Variants in APP observed in about 807,000 individuals in gnomAD.
APP encodes amyloid beta precursor protein, also known as amyloid-beta precursor protein.
Under a neutral mutation model 101.4 loss-of-function variants are expected in APP, and 31 were observed. That is an observed-to-expected ratio of 0.31 (90% CI 0.23 to 0.41). The LOEUF is 0.41. Among genes scored for constraint, APP ranks in the 10% least tolerant of loss-of-function variants. The pLI, the probability that APP is intolerant of heterozygous loss-of-function variation, is 1.00. For synonymous variants in APP, 366 were observed against 364.4 expected (o/e 1.00, Z -0.05); for missense variants, 839 against 1,003.7 (o/e 0.84, Z 2.22).
chr21:26,070,645 G>C (rs1243673790), intron 3 of APP, among the ~76,000 whole-genome samples: 1 of 152,092 alleles, frequency 6.6e-6, no homozygotes, highest in Non-Finnish European at 1.5e-5. Context: ...AAGAAAAAAA[G>C]AGATACTCAA....
At chr21:26,017,729 A>G (rs1305842637) in intron 6 of APP, among the ~76,000 whole-genome samples, 1 of 152,238 alleles carries the variant, frequency 6.6e-6, no homozygotes, top group Non-Finnish European at 1.5e-5. Context: ...TTATGGCTCA[A>G]TCAAAACTAC....
intron 2 of APP, among the ~76,000 whole-genome samples, chr21:26,093,444 C>G (rs2061869980): frequency 6.6e-6 from 1 of 152,142 alleles, no homozygotes; most frequent in Non-Finnish European, 1.5e-5. Context: ...TCATGGTTCC[C>G]TCTATACAAC....
chr21:25,892,446 GA>G (rs1325317925), intron 16 of APP, among the ~76,000 whole-genome samples: 41 of 144,118 alleles, frequency 2.8e-4, no homozygotes, highest in Middle Eastern at 7.3e-3. Flanking sequence ...TTAAACAATA[GA>G]AAAAAAGATA....
chr21:26,079,363 T>C (rs1360602511), intron 3 of APP, among the ~76,000 whole-genome samples: 1 of 152,208 alleles, frequency 6.6e-6, no homozygotes, highest in African/African-American at 2.4e-5. Context: ...ACTGTTCACA[T>C]TAAATTTATG....
At chr21:25,936,303 C>T (rs891004557) in intron 13 of APP, among the ~76,000 whole-genome samples, 6 of 152,172 alleles carry the variant, frequency 3.9e-5, no homozygotes, top group Admixed American at 3.9e-4. Flanking sequence ...CCTGTAATCC[C>T]AGAACTTTGG....
chr21:25,912,658 G>A (rs1409696776), intron 13 of APP, among the ~76,000 whole-genome samples: 2 of 152,096 alleles, frequency 1.3e-5, no homozygotes, highest in Non-Finnish European at 2.9e-5. Context: ...ATTTCCCAAT[G>A]TGAGCAGACA....
At position 26,129,837 on chromosome 21, in the gene APP, T is replaced by C. The variant is rs80038422; in HGVS notation, c.58-17691A>G. On this transcript the variant is annotated intron_variant, in intron 1 of 17. Coordinates refer to ENST00000346798, the MANE Select transcript of APP (RefSeq NM_000484.4). ...AAAAAATACAAATTACTTCTAATTT[T>C]CCCATTTTCACACAAGTGAAAGAGA... 2.0e-5 allele frequency among the ~76,000 whole-genome samples: 3 copies of C among 152,334 alleles called. No homozygotes were observed. In the East Asian group the frequency reaches 5.8e-4, roughly 29 times the overall value.
At chr21:26,095,642 G>A (rs1350647562) in intron 2 of APP, among the ~76,000 whole-genome samples, 1 of 152,170 alleles carries the variant, frequency 6.6e-6, no homozygotes, top group Non-Finnish European at 1.5e-5. Flanking sequence ...TTCACTGGGG[G>A]TCTTGGAAGT....
chr21:26,168,377 T>C (rs1017301691), intron 1 of APP, among the ~76,000 whole-genome samples: 1 of 152,152 alleles, frequency 6.6e-6, no homozygotes, highest in Admixed American at 6.5e-5. Context: ...CAAACCTCAG[T>C]AGACTGAATT....
intron 8 of APP, among the ~76,000 whole-genome samples, chr21:25,986,826 A>G (rs1261996159): frequency 6.6e-6 from 1 of 152,248 alleles, no homozygotes; most frequent in Non-Finnish European, 1.5e-5. Flanking sequence ...TTTTCATCAG[A>G]GCCCACCATG....
At chr21:25,953,917 T>G (rs1016377798) in intron 13 of APP, among the ~76,000 whole-genome samples, 1 of 152,250 alleles carries the variant, frequency 6.6e-6, no homozygotes, top group African/African-American at 2.4e-5. Flanking sequence ...GGGTGATGGA[T>G]GCATGAGACC....
At chr21:25,965,188 T>C (rs1233435509) in intron 11 of APP, among the ~76,000 whole-genome samples, 1 of 152,178 alleles carries the variant, frequency 6.6e-6, no homozygotes, top group African/African-American at 2.4e-5. Context: ...GAAACATGTG[T>C]ACACTTAATG....
chr21:25,998,542 G>A (rs866383318), intron 7 of APP, among the ~76,000 whole-genome samples: 1 of 152,052 alleles, frequency 6.6e-6, no homozygotes, highest in African/African-American at 2.4e-5. Context: ...CTTTACAGTG[G>A]GGGTATTAAT....
intron 1 of APP, among the ~76,000 whole-genome samples, chr21:26,120,002 A>G (rs2062529163): frequency 6.6e-6 from 1 of 152,228 alleles, no homozygotes; most frequent in Admixed American, 6.5e-5. Context: ...CATTTTTGGT[A>G]CAAGAGATAT....
At chr21:26,049,770 G>A (rs2045760233) in intron 5 of APP, among the ~76,000 whole-genome samples, 1 of 152,184 alleles carries the variant, frequency 6.6e-6, no homozygotes, top group Admixed American at 6.5e-5. Flanking sequence ...TAGAAAGGCA[G>A]GCAGGGAAAA....
At chr21:25,948,616 CTCTT>C (rs1408811577) in intron 13 of APP, among the ~76,000 whole-genome samples, 2 of 152,108 alleles carry the variant, frequency 1.3e-5, no homozygotes, top group African/African-American at 4.8e-5. Flanking sequence ...CCTTTGTTCC[CTCTT>C]TATTTCCTAC....
intron 13 of APP, among the ~76,000 whole-genome samples, chr21:25,936,662 C>T (rs572062680): frequency 5.9e-5 from 9 of 152,320 alleles, no homozygotes; most frequent in East Asian, 3.9e-4. Context: ...CCTCAGAAAC[C>T]GACCTGCTGG....
intron 9 of APP, among the ~76,000 whole-genome samples, chr21:25,980,526 T>C (rs923164718): frequency 1.3e-5 from 2 of 152,166 alleles, no homozygotes; most frequent in Non-Finnish European, 2.9e-5. Context: ...AATTAGCTGT[T>C]AGGTTTTCAT....
At position 26,045,210 on chromosome 21, in the gene APP, T is replaced by C. The variant is rs146620760; in HGVS notation, c.662+5790A>G. On this transcript the variant is annotated intron_variant, in intron 5 of 17. Coordinates refer to ENST00000346798, the MANE Select transcript of APP (RefSeq NM_000484.4). Reference sequence around the variant, plus strand: ...GAAGATGGCTATATTCTCTCTTCAATAAAATTATGAGCTGTCAATGTTTTA... The same window carrying C: ...GAAGATGGCTATATTCTCTCTTCAACAAAATTATGAGCTGTCAATGTTTTA... Among the ~76,000 whole-genome samples, 783 of 151,874 alleles carry C rather than the reference T, an allele frequency of 5.2e-3. 4 individuals carry two copies. The highest frequency in any genetic ancestry group is 0.018 in the African/African-American group (742 of 41,194).
Sources: allele counts gnomAD v4.1 joint callset (sites outside exome capture counted in the v4.1 genomes callset), GRCh38; gene constraint gnomAD v4.1.1; transcripts MANE v1.5; gene names NCBI Gene and HGNC (gene_info 2026-07-23, HGNC 2026-07-21).